RERG: variants seen among roughly 807,000 people sequenced by gnomAD.
The protein encoded by RERG is ras-related and estrogen-regulated growth inhibitor.
In RERG, 25 loss-of-function variants were observed where a neutral mutation model predicts 23.2. The ratio of observed to expected loss-of-function variants is 1.08; its 90% CI spans 0.79 to 1.50. The LOEUF is 1.50. RERG is among the 40% of genes most tolerant of loss of function. The pLI is 0.00. For synonymous variants in RERG, 81 were observed against 89.1 expected (o/e 0.91, Z 0.51); for missense variants, 253 against 250.1 (o/e 1.01, Z -0.08).
At chr12:15,134,537 C>T (rs1041436029) in intron 2 of RERG, among the ~76,000 whole-genome samples, 3 of 151,976 alleles carry the variant, frequency 2.0e-5, no homozygotes, top group Non-Finnish European at 4.4e-5. Context: ...GAAGTCAGTC[C>T]TCTGAATGTC....
chr12:15,178,257 C>T (rs914293145), intron 2 of RERG, among the ~76,000 whole-genome samples: 1 of 152,128 alleles, frequency 6.6e-6, no homozygotes, highest in Admixed American at 6.5e-5. Flanking sequence ...TTTCAACCTT[C>T]TAAATAAAAC....
At chr12:15,207,382 A>G (rs1007293720) in intron 2 of RERG, among the ~76,000 whole-genome samples, 2 of 152,150 alleles carry the variant, frequency 1.3e-5, no homozygotes, top group Non-Finnish European at 2.9e-5. Flanking sequence ...TTAAACACAC[A>G]CACATTGCTC....
intron 1 of RERG, among the ~76,000 whole-genome samples, chr12:15,218,565 A>G (rs2136152365): frequency 6.6e-6 from 1 of 152,136 alleles, no homozygotes; most frequent in South Asian, 2.1e-4. Context: ...AAGCTGCTTC[A>G]TTTCTCCAAT....
At chr12:15,125,006 A>C (rs1021819936) in intron 2 of RERG, among the ~76,000 whole-genome samples, 20 of 152,144 alleles carry the variant, frequency 1.3e-4, no homozygotes, top group Admixed American at 2.6e-4. Context: ...CAACATTCAT[A>C]TAATAATGAA....
chr12:15,149,888 T>C (rs918955867), intron 2 of RERG, among the ~76,000 whole-genome samples: 5 of 152,262 alleles, frequency 3.3e-5, no homozygotes, highest in Admixed American at 2.6e-4. Flanking sequence ...GTGACTATGA[T>C]AGACATTACT....
rs71042238 is a variant in RERG at position 15,195,551 on chromosome 12, C to CTGTGTGTG, written c.61+21870_61+21877dup. Among the ~76,000 whole-genome samples, 469 of 128,304 alleles carry CTGTGTGTG rather than the reference C, an allele frequency of 3.7e-3. 3 individuals carry two copies. The highest frequency in any genetic ancestry group is 0.011 in the African/African-American group (377 of 33,592). 84.2% of individuals were successfully genotyped at this position (128,304 alleles called of 152,430 possible). On this transcript the variant is annotated intron_variant, in intron 2 of 4. Transcript: ENST00000256953. Reference sequence around the variant, plus strand: ...ACTTCTTAAGGCACAGCAAGCTTGGCTGTGTGTGTGTGTGTGTGTGTGTGT... The same window carrying CTGTGTGTG: ...ACTTCTTAAGGCACAGCAAGCTTGGCTGTGTGTGTGTGTGTGTGTGTGTGTGTGTGTGT...
chr12:15,129,389 CT>C (rs552046867), intron 2 of RERG, among the ~76,000 whole-genome samples: 25 of 152,078 alleles, frequency 1.6e-4, no homozygotes, highest in African/African-American at 6.0e-4. Flanking sequence ...GATATATTTG[CT>C]GATAACTGAA....
At chr12:15,175,363 G>GTGTGTGTT (rs1555127073) in intron 2 of RERG, among the ~76,000 whole-genome samples, 2 of 150,010 alleles carry the variant, frequency 1.3e-5, no homozygotes, top group African/African-American at 4.9e-5. Context: ...GTGTGTGTGT[G>GTGTGTGTT]TGTGTGTGTG....
chr12:15,147,867 T>C (rs1376377836), intron 2 of RERG, among the ~76,000 whole-genome samples: 1 of 152,240 alleles, frequency 6.6e-6, no homozygotes, highest in Non-Finnish European at 1.5e-5. Context: ...TGAGTCTTAA[T>C]GGATAATATT....
At chr12:15,156,188 G>A (rs188312113) in intron 2 of RERG, among the ~76,000 whole-genome samples, 135 of 152,198 alleles carry the variant, frequency 8.9e-4, no homozygotes, top group African/African-American at 2.8e-3. Flanking sequence ...CAACTGATAC[G>A]AATGGAAATA....
chr12:15,141,955 A>C (rs1864244942), intron 2 of RERG, among the ~76,000 whole-genome samples: 1 of 152,244 alleles, frequency 6.6e-6, no homozygotes, highest in Non-Finnish European at 1.5e-5. Context: ...TTATCTTACC[A>C]TCATTGACAC....
chr12:15,168,838 C>T (rs975121855), intron 2 of RERG, among the ~76,000 whole-genome samples: 13 of 152,266 alleles, frequency 8.5e-5, no homozygotes, highest in Admixed American at 3.3e-4. Flanking sequence ...TCTCTCAATT[C>T]GCAGATGAGG....
intron 2 of RERG, among the ~76,000 whole-genome samples, chr12:15,198,851 C>T (rs1242094501): frequency 6.6e-6 from 1 of 152,210 alleles, no homozygotes; most frequent in Admixed American, 6.5e-5. Flanking sequence ...TGACCTCAGC[C>T]TGGGAAGGTT....
At chr12:15,151,489 G>T (rs567935621) in intron 2 of RERG, among the ~76,000 whole-genome samples, 2 of 152,284 alleles carry the variant, frequency 1.3e-5, no homozygotes, top group South Asian at 4.1e-4. Flanking sequence ...ATTCACCTTA[G>T]ATATTCCTTA....
intron 2 of RERG, among the ~76,000 whole-genome samples, chr12:15,210,168 G>T (rs1329419609): frequency 5.3e-5 from 8 of 152,112 alleles, no homozygotes; most frequent in Non-Finnish European, 8.8e-5. Context: ...CCATAAGTTG[G>T]AGAAATACCA....
At chr12:15,130,258 TC>T in intron 2 of RERG, among the ~76,000 whole-genome samples, 1 of 152,302 alleles carries the variant, frequency 6.6e-6, no homozygotes, top group Middle Eastern at 3.4e-3. Context: ...AGTGCCACTT[TC>T]TGGTGGGTGG....
chr12:15,218,574 A>G (rs1403122696), intron 1 of RERG, among the ~76,000 whole-genome samples: 2 of 152,092 alleles, frequency 1.3e-5, no homozygotes, highest in African/African-American at 2.4e-5. Flanking sequence ...CATTTCTCCA[A>G]TTAGGAGGAA....
chr12:15,147,048 A>G (rs1864345379), intron 2 of RERG, among the ~76,000 whole-genome samples: 1 of 151,488 alleles, frequency 6.6e-6, no homozygotes, highest in Non-Finnish European at 1.5e-5. Flanking sequence ...TCCAGCTTCT[A>G]AATCTAATTC....
intron 2 of RERG, among the ~76,000 whole-genome samples, chr12:15,126,145 ATATATATG>A (rs1052919169): frequency 2.1e-4 from 29 of 141,366 alleles, no homozygotes; most frequent in South Asian, 4.5e-4. Context: ...ATATATATAT[ATATATATG>A]TATTTACACA....
Sources: allele counts gnomAD v4.1 joint callset (sites outside exome capture counted in the v4.1 genomes callset), GRCh38; gene constraint gnomAD v4.1.1; transcripts MANE v1.5; gene names NCBI Gene and HGNC (gene_info 2026-07-23, HGNC 2026-07-21).